Variants in ABLIM1 observed in about 807,000 individuals in gnomAD.
ABLIM1 encodes actin-binding LIM protein 1.
Under a neutral mutation model 107.0 loss-of-function variants are expected in ABLIM1, and 40 were observed. That is an observed-to-expected ratio of 0.37 (90% CI 0.29 to 0.49). The LOEUF is 0.49. Ranked by LOEUF, ABLIM1 falls within the 20% of genes least tolerant of loss-of-function variation. The pLI is 0.97. For synonymous variants in ABLIM1, 357 were observed against 357.3 expected, an observed-to-expected ratio of 1.00 and a Z score of 0.01; for missense variants, 857 against 1,008.5, an observed-to-expected ratio of 0.85 and a Z score of 2.04.
intron 17 of ABLIM1, 36 bp from the exon 18 acceptor site, chr10:114,441,822 A>C: frequency 2.5e-6 from 4 of 1,570,848 alleles, no homozygotes; most frequent in Non-Finnish European, 3.5e-6. Flanking sequence ...AATTGTTAGG[A>C]AATCAGAAGG....
intron 1 of ABLIM1, chr10:114,632,159 C>CGCCCA (rs2078230120): frequency 1.0e-6 from 1 of 985,314 alleles, no homozygotes; most frequent in Non-Finnish European, 1.2e-6. Context: ...GCTGCAGCCG[C>CGCCCA]GCCCAGCTCG....
chr10:114,775,038 G>T, the ABLIM1 span, among the ~76,000 whole-genome samples: 1 of 152,120 alleles, frequency 6.6e-6, no homozygotes, highest in Non-Finnish European at 1.5e-5. Context: ...TTGGATGACT[G>T]GGGAGGCCTC....
chr10:114,770,138 G>T (rs1333420657), upstream of ABLIM1, among the ~76,000 whole-genome samples: 4 of 152,096 alleles, frequency 2.6e-5, no homozygotes, highest in African/African-American at 9.7e-5. Flanking sequence ...ACTAGTTCAT[G>T]TTCTACTATG....
chr10:114,676,189 G>A (rs979826022), intron 1 of ABLIM1, among the ~76,000 whole-genome samples: 10 of 152,190 alleles, frequency 6.6e-5, no homozygotes, highest in African/African-American at 2.4e-4. Context: ...CAAATGAAAA[G>A]AAAATGTGAC....
At chr10:114,616,592 G>A (rs561941758) in intron 1 of ABLIM1, among the ~76,000 whole-genome samples, 4 of 152,310 alleles carry the variant, frequency 2.6e-5, no homozygotes, top group South Asian at 2.1e-4. Flanking sequence ...GTGACAAAGC[G>A]TTGTTCTACT....
At chr10:114,439,273 A>G (rs1183551617) in intron 20 of ABLIM1, 23 bp from the exon 21 acceptor site, 1 of 1,614,020 alleles carries the variant, frequency 6.2e-7, no homozygotes, top group Admixed American at 1.7e-5. Context: ...TGCCAGTTCC[A>G]GGTGAGGCAT....
upstream of ABLIM1, among the ~76,000 whole-genome samples, chr10:114,685,305 T>C (rs893056685): frequency 2.6e-5 from 4 of 152,192 alleles, no homozygotes; most frequent in Non-Finnish European, 5.9e-5. Flanking sequence ...ACTGGCATAA[T>C]TGCTTTAAAT....
intron 1 of ABLIM1, among the ~76,000 whole-genome samples, chr10:114,746,375 T>A (rs562410409): frequency 6.6e-6 from 1 of 152,346 alleles, no homozygotes; most frequent in Non-Finnish European, 1.5e-5. Context: ...TCACTTAGCA[T>A]TGTGTTCTCC....
intron 1 of ABLIM1, among the ~76,000 whole-genome samples, chr10:114,743,037 T>C (rs1313872629): frequency 6.6e-6 from 1 of 152,198 alleles, no homozygotes; most frequent in Non-Finnish European, 1.5e-5. Flanking sequence ...AAAATGTTAG[T>C]TTGTTTTTGT....
intron 17 of ABLIM1, among the ~76,000 whole-genome samples, chr10:114,442,768 C>T (rs1290682832): frequency 6.6e-6 from 1 of 152,222 alleles, no homozygotes; most frequent in African/African-American, 2.4e-5. Context: ...ATAACAACCA[C>T]ATCTACTTCA....
chr10:114,484,834 C>T (rs1428811108), intron 8 of ABLIM1, among the ~76,000 whole-genome samples: 1 of 152,246 alleles, frequency 6.6e-6, no homozygotes, highest in African/African-American at 2.4e-5. Context: ...TCCAAGACCA[C>T]TTCTCCCAGG....
At chr10:114,532,409 G>A (rs1409745500) in intron 6 of ABLIM1, among the ~76,000 whole-genome samples, 1 of 152,180 alleles carries the variant, frequency 6.6e-6, no homozygotes, top group Admixed American at 6.5e-5. Flanking sequence ...CCATCTGCTG[G>A]AATTGGCATC....
At chr10:114,644,371 C>T (rs2078920585) in intron 1 of ABLIM1, among the ~76,000 whole-genome samples, 1 of 128,122 alleles carries the variant, frequency 7.8e-6, no homozygotes, top group African/African-American at 3.2e-5. Flanking sequence ...TACACACACA[C>T]ATTGGTTCTA....
intron 1 of ABLIM1, among the ~76,000 whole-genome samples, chr10:114,729,323 AC>A: frequency 6.6e-6 from 1 of 152,078 alleles, no homozygotes; most frequent in Non-Finnish European, 1.5e-5. Flanking sequence ...GCCTGGCAGC[AC>A]CACCCTGTTC....
intron 11 of ABLIM1, among the ~76,000 whole-genome samples, chr10:114,467,282 A>G (rs1185228108): frequency 6.6e-6 from 1 of 152,258 alleles, no homozygotes; most frequent in East Asian, 1.9e-4. Flanking sequence ...ACATGCACAC[A>G]CACAATATAA....
At chr10:114,613,516 C>T (rs2497668) in intron 1 of ABLIM1, 45,222 of 428,896 alleles carry the variant, frequency 0.11, 3,480 homozygotes, top group East Asian at 0.43. Context: ...CACCATTGTG[C>T]CAAAGGTTAT....
chr10:114,787,107 T>C, the ABLIM1 span, among the ~76,000 whole-genome samples: 21 of 144,672 alleles, frequency 1.5e-4, no homozygotes, highest in Non-Finnish European at 2.6e-4. Flanking sequence ...TCTGCCCGGC[T>C]GCCCATCGTC....
intron 1 of ABLIM1, among the ~76,000 whole-genome samples, chr10:114,762,967 G>A (rs745891370): frequency 1.3e-5 from 2 of 152,136 alleles, no homozygotes; most frequent in South Asian, 2.1e-4. Flanking sequence ...CGAAAACAAC[G>A]TTAGCAAAAC....
At chr10:114,521,282 C>T (rs140636816) in intron 6 of ABLIM1, among the ~76,000 whole-genome samples, 6 of 152,316 alleles carry the variant, frequency 3.9e-5, no homozygotes, top group South Asian at 4.1e-4. Flanking sequence ...ATCATCTGTA[C>T]GCCTTTCGGC....
Sources: allele counts gnomAD v4.1 joint callset (sites outside exome capture counted in the v4.1 genomes callset), GRCh38; gene constraint gnomAD v4.1.1; transcripts MANE v1.5; gene names NCBI Gene and HGNC (gene_info 2026-07-23, HGNC 2026-07-21).